Variants in DMD observed in about 807,000 individuals in gnomAD.
DMD encodes mutant dystrophin.
In DMD, 63 loss-of-function variants were observed where a neutral mutation model predicts 330.1. The observed-to-expected ratio is 0.19, with a 90% CI of 0.16 to 0.24. The LOEUF (loss-of-function observed/expected upper bound fraction) is 0.24, where lower values mean the gene tolerates loss of function less well. Among genes scored for constraint, DMD ranks in the 10% least tolerant of loss-of-function variants. The pLI is 1.00. For synonymous variants in DMD, 1,223 were observed against 959.8 expected (o/e 1.27, Z -5.07); for missense variants, 3,344 against 2,684.1 (o/e 1.25, Z -5.43).
intron 2 of DMD, among the ~76,000 whole-genome samples, chrX:32,949,639 C>T (rs771541435): frequency 1.8e-5 from 2 of 111,274 alleles, no homozygotes; most frequent in South Asian, 3.7e-4. Flanking sequence ...CAAAGTGTTG[C>T]CTGTCCCATT....
In DMD at chrX:32,745,047, T is replaced by G. The variant is rs780380661; in HGVS notation, c.650-45754A>C. Among the ~76,000 whole-genome samples the G allele has an allele frequency of 2.9e-4, 33 of 111,900 alleles. 1 individual carries two copies. In the South Asian group the frequency reaches 0.012, roughly 42 times the overall value. ...ACTGTAAGGATGTGAGTTTGAGATG[T>G]AGATTGTTATTGCAGACTAACAACC... On this transcript the variant is annotated intron_variant, in intron 7 of 78. Coordinates refer to ENST00000357033, the MANE Select transcript of DMD (RefSeq NM_004006.3).
chrX:31,436,746 T>C (rs1348493801), intron 60 of DMD, among the ~76,000 whole-genome samples: 2 of 111,939 alleles, frequency 1.8e-5, no homozygotes, highest in Non-Finnish European at 3.8e-5. Flanking sequence ...TAAAGGGTTT[T>C]GTTTACATCC....
At chrX:33,009,258 A>G (rs1449937357) in intron 2 of DMD, among the ~76,000 whole-genome samples, 1 of 41,063 alleles carries the variant, frequency 2.4e-5, no homozygotes, top group African/African-American at 6.6e-5. Context: ...ATATATGTGT[A>G]TGTGTGTATA....
chrX:32,348,047 G>A (rs2097769728), intron 38 of DMD, among the ~76,000 whole-genome samples: 1 of 111,424 alleles, frequency 9.0e-6, no homozygotes, highest in Admixed American at 9.6e-5. Context: ...CAAAAACATT[G>A]CTGATACAAA....
At chrX:32,190,585 T>TATATATATATATA (rs1569549819) in intron 44 of DMD, among the ~76,000 whole-genome samples, 147 of 94,163 alleles carry the variant, frequency 1.6e-3, no homozygotes, top group Non-Finnish European at 1.8e-3. Flanking sequence ...TATATATATA[T>TATATATATATATA]TTCACCACAA....
intron 60 of DMD, among the ~76,000 whole-genome samples, chrX:31,419,020 C>G (rs1030922557): frequency 9.1e-6 from 1 of 109,826 alleles, no homozygotes; most frequent in Non-Finnish European, 1.9e-5. Flanking sequence ...TCTCAGCTCA[C>G]GGCAACTTCC....
intron 17 of DMD, among the ~76,000 whole-genome samples, chrX:32,527,543 C>G (rs892601650): frequency 1.8e-5 from 2 of 109,616 alleles, no homozygotes; most frequent in Non-Finnish European, 3.8e-5. Context: ...AACTTTCCTT[C>G]TGGGAAAACT....
intron 62 of DMD, among the ~76,000 whole-genome samples, chrX:31,288,178 T>A (rs772389844): frequency 9.1e-6 from 1 of 110,367 alleles, no homozygotes; most frequent in Admixed American, 9.6e-5. Flanking sequence ...GGAGAGAGGG[T>A]TAAGATGCAA....
chrX:31,771,082 A>C (rs2090312834), intron 51 of DMD, among the ~76,000 whole-genome samples: 1 of 111,456 alleles, frequency 9.0e-6, no homozygotes, highest in Non-Finnish European at 1.9e-5. Flanking sequence ...TCAAACATTA[A>C]AGTTGGGATT....
chrX:32,945,069 T>C (rs1358902973), intron 2 of DMD, among the ~76,000 whole-genome samples: 1 of 111,322 alleles, frequency 9.0e-6, no homozygotes, highest in Non-Finnish European at 1.9e-5. Flanking sequence ...TTAAATTTTA[T>C]GTGTTTCTAT....
At chrX:32,282,629 G>A (rs1376924199) in intron 43 of DMD, among the ~76,000 whole-genome samples, 2 of 111,987 alleles carry the variant, frequency 1.8e-5, no homozygotes, top group Non-Finnish European at 3.8e-5. Context: ...AGGTATGTTA[G>A]ATAATGAATG....
chrX:31,266,788 G>T (rs755727594), intron 62 of DMD: 41 of 1,187,241 alleles, frequency 3.5e-5, no homozygotes, highest in Non-Finnish European at 4.3e-5. Context: ...ATCAGACGGG[G>T]CCGGGGCCGC....
chrX:31,762,257 T>C (rs2089652792), intron 51 of DMD, among the ~76,000 whole-genome samples: 1 of 111,680 alleles, frequency 9.0e-6, no homozygotes, highest in African/African-American at 3.3e-5. Flanking sequence ...GGAGGCAGAG[T>C]AGCCATGTTG....
chrX:31,491,602 G>C (rs73212380), intron 57 of DMD, among the ~76,000 whole-genome samples: 230 of 111,926 alleles, frequency 2.1e-3, no homozygotes, highest in Middle Eastern at 4.6e-3. Flanking sequence ...TTATTAATTA[G>C]TCTTGAGAGC....
chrX:33,326,677 T>C (rs2148960301), intron 1 of DMD, among the ~76,000 whole-genome samples: 1 of 112,175 alleles, frequency 8.9e-6, no homozygotes, highest in East Asian at 2.8e-4. Context: ...CTATAAATAA[T>C]ATAAAGCCAC....
intron 74 of DMD, among the ~76,000 whole-genome samples, chrX:31,150,189 A>C (rs1421969193): frequency 8.9e-6 from 1 of 111,821 alleles, no homozygotes; most frequent in Non-Finnish European, 1.9e-5. Flanking sequence ...TTCTATCATA[A>C]TTCACTTTAT....
At chrX:32,786,231 T>C (rs1275582741) in intron 7 of DMD, among the ~76,000 whole-genome samples, 1 of 110,732 alleles carries the variant, frequency 9.0e-6, no homozygotes. Flanking sequence ...GTAAAATGTA[T>C]CTTTTTATTT....
intron 1 of DMD, among the ~76,000 whole-genome samples, chrX:33,054,294 T>C (rs2094493384): frequency 8.9e-6 from 1 of 112,131 alleles, no homozygotes; most frequent in Non-Finnish European, 1.9e-5. Flanking sequence ...CACATATCTA[T>C]ACATATATAT....
intron 2 of DMD, among the ~76,000 whole-genome samples, chrX:32,912,805 G>A (rs763331707): frequency 5.8e-4 from 65 of 111,427 alleles, no homozygotes; most frequent in Non-Finnish European, 1.1e-3. Context: ...GTGGGGAAGC[G>A]ATGGAATTGG....
Sources: gnomAD v4.1 joint callset for allele counts (sites outside exome capture counted in the v4.1 genomes callset) on GRCh38, gnomAD v4.1.1 for gene constraint, MANE v1.5 for transcripts, NCBI Gene and HGNC (gene_info 2026-07-23, HGNC 2026-07-21) for gene names.